The following FERMT2 variants were observed in gnomAD, a reference collection of about 807,000 sequenced individuals.
The protein encoded by FERMT2 is fermitin family homolog 2.
In FERMT2, 15 loss-of-function variants were observed where a neutral mutation model predicts 82.7. The observed-to-expected ratio is 0.18, with a 90% confidence interval of 0.12 to 0.28. The LOEUF (loss-of-function observed/expected upper bound fraction) is 0.28, where lower values mean the gene tolerates loss of function less well. FERMT2 is among the 10% of genes least tolerant of loss of function. The pLI is 1.00. For synonymous variants in FERMT2, 274 were observed against 271.5 expected (o/e 1.01, Z -0.09); for missense variants, 645 against 809.4 (o/e 0.80, Z 2.46).
intron 3 of FERMT2, among the ~76,000 whole-genome samples, chr14:52,913,714 A>AGTAGTAGTAGTAGTAGTAGTAGT (rs1566746975): frequency 3.3e-5 from 5 of 152,024 alleles, no homozygotes; most frequent in South Asian, 2.1e-4. Flanking sequence ...TAGTAGTAGT[A>AGTAGTAGTAGTAGTAGTAGTAGT]ATGAAAGACC....
Position 52,930,582 on chromosome 14 carries a change from T to A in FERMT2, c.158-11226A>T, listed in dbSNP as rs138408739. 8.5e-5 allele frequency among the ~76,000 whole-genome samples: 13 copies of A among 152,300 alleles called. No individual in the cohort carries two copies. The East Asian group carries it at 2.5e-3, about 29-fold the overall frequency. ...AGGGAGACAATGGCTTCCTGAGGAA[T>A]ATCAAATTGTAGGGCACCTGGCTAC... On this transcript the variant is annotated intron_variant, in intron 2 of 14. Transcript: ENST00000341590.
chr14:52,905,304 A>G (rs1004851653), intron 3 of FERMT2, among the ~76,000 whole-genome samples: 3 of 152,210 alleles, frequency 2.0e-5, no homozygotes, highest in Admixed American at 6.5e-5. Context: ...AAAAGCCAGA[A>G]ACAGTAAACG....
chr14:52,914,422 CAA>C lies in FERMT2; in HGVS notation c.391+4699_391+4700del, dbSNP rs869304101. On this transcript the variant is annotated intron_variant, in intron 3 of 14. Transcript: ENST00000341590. Reference sequence around the variant, plus strand: ...AAAAGATCTCCCCCCAAAACAACAACAAATATTAAACTGAATGTCAAATGTTA... The same window carrying C: ...AAAAGATCTCCCCCCAAAACAACAACATATTAAACTGAATGTCAAATGTTA... Among the ~76,000 whole-genome samples, 13 of 99,594 alleles carry C rather than the reference CAA, an allele frequency of 1.3e-4. No individual in the cohort carries two copies. The South Asian group carries it at 1.4e-3, about 11-fold the overall frequency. The allele number at this position is 99,594 out of a possible 152,430, so 65.3% of individuals were successfully genotyped here.
chr14:52,911,624 C>G (rs2139613665), intron 3 of FERMT2, among the ~76,000 whole-genome samples: 1 of 151,252 alleles, frequency 6.6e-6, no homozygotes, highest in East Asian at 2.0e-4. Context: ...GCAGTCCAAC[C>G]TGGGTGACAG....
intron 2 of FERMT2, among the ~76,000 whole-genome samples, chr14:52,922,979 T>C (rs1200867990): frequency 6.6e-6 from 1 of 152,224 alleles, no homozygotes; most frequent in Non-Finnish European, 1.5e-5. Context: ...ACCTAGGTTA[T>C]ATGGTATGGC....
intron 7 of FERMT2, among the ~76,000 whole-genome samples, chr14:52,876,214 A>G (rs1242261721): frequency 6.6e-6 from 1 of 152,184 alleles, no homozygotes; most frequent in Non-Finnish European, 1.5e-5. Flanking sequence ...GCCACTTACC[A>G]ATGTTCTGTG....
Position 52,881,840 on chromosome 14 carries a change from G to T in FERMT2, c.527-371C>A, listed in dbSNP as rs1445121285. The T allele has an allele frequency of 2.4e-6, 3 of 1,253,516 alleles. No individual in the cohort carries two copies. In the African/African-American group the frequency reaches 4.6e-5, roughly 19 times the overall value. The allele number at this position is 1,253,516 out of a possible 1,614,324, so 77.6% of individuals were successfully genotyped here. ...AAGAACATCAGTGCCTATAGGAAAG[G>T]AAAGAAAGGAATTCAGAAGGTAAAG... On this transcript the variant is annotated intron_variant, in intron 4 of 14. Transcript: ENST00000341590.
At chr14:52,923,687 T>G (rs1889092802) in intron 2 of FERMT2, among the ~76,000 whole-genome samples, 1 of 150,096 alleles carries the variant, frequency 6.7e-6, no homozygotes, top group Non-Finnish European at 1.5e-5. Context: ...ATCCTATGAG[T>G]GGTCCGTTTA....
At chr14:52,905,468 C>T (rs915115750) in intron 3 of FERMT2, among the ~76,000 whole-genome samples, 1 of 152,050 alleles carries the variant, frequency 6.6e-6, no homozygotes, top group Non-Finnish European at 1.5e-5. Flanking sequence ...ATAAAGAATG[C>T]ATTGGAAAGA....
intron 3 of FERMT2, among the ~76,000 whole-genome samples, chr14:52,897,215 T>C (rs1192447539): frequency 6.6e-6 from 1 of 152,206 alleles, no homozygotes; most frequent in Admixed American, 6.5e-5. Context: ...ATATTCTATG[T>C]AAATAAATCA....
chr14:52,928,279 G>A (rs970966602), intron 2 of FERMT2: 22 of 200,264 alleles, frequency 1.1e-4, no homozygotes, highest in Admixed American at 2.0e-4. Context: ...TTCTGGGCAC[G>A]TGACTTATTT....
intron 3 of FERMT2, among the ~76,000 whole-genome samples, chr14:52,908,293 C>G (rs997732934): frequency 2.0e-5 from 3 of 152,176 alleles, no homozygotes; most frequent in Admixed American, 6.5e-5. Flanking sequence ...GCTGAAACAT[C>G]CACTTATCAT....
Position 52,892,461 on chromosome 14 carries a change from T to G in FERMT2, c.526+832A>C, listed in dbSNP as rs1332684551. On this transcript the variant is annotated intron_variant, in intron 4 of 14. Transcript: ENST00000341590. ...CCCGCCTGGTGCTGTTTTTTGTTTT[T>G]TTTTTTTTTTGAGATGGAGTTTTGC... is the stretch of plus-strand genomic sequence containing the variant. 6.0e-5 allele frequency among the ~76,000 whole-genome samples: 8 copies of G among 133,890 alleles called. 1 individual carries two copies. The East Asian group carries it at 6.8e-4, about 11-fold the overall frequency. The allele number at this position is 133,890 out of a possible 152,430, so 87.8% of individuals were successfully genotyped here. A position where few individuals can be genotyped will look rare whatever the true frequency, so the allele number is the denominator to read the frequency against.
intron 2 of FERMT2, among the ~76,000 whole-genome samples, chr14:52,922,532 A>G (rs7142157): frequency 1.3e-5 from 2 of 151,924 alleles, no homozygotes; most frequent in African/African-American, 2.4e-5. Context: ...CTGCAAAGAC[A>G]TAATAAAAGA....
At chr14:52,909,643 C>T (rs1311342973) in intron 3 of FERMT2, among the ~76,000 whole-genome samples, 2 of 152,034 alleles carry the variant, frequency 1.3e-5, no homozygotes, top group Non-Finnish European at 2.9e-5. Context: ...CAAAAGTTAG[C>T]CAGGTGTGGT....
intron 4 of FERMT2, among the ~76,000 whole-genome samples, chr14:52,883,151 T>TCAAACAAACAAA (rs546675639): frequency 6.6e-6 from 1 of 151,924 alleles, no homozygotes; most frequent in African/African-American, 2.4e-5. Context: ...AGACTCTATC[T>TCAAACAAACAAA]CAAACAAACA....
At chr14:52,910,512 G>C (rs1014135479) in intron 3 of FERMT2, among the ~76,000 whole-genome samples, 1 of 151,694 alleles carries the variant, frequency 6.6e-6, no homozygotes, top group Non-Finnish European at 1.5e-5. Context: ...AAAAAATGAC[G>C]TTCTTTGACA....
intron 7 of FERMT2, among the ~76,000 whole-genome samples, chr14:52,877,355 G>C (rs1594940040): frequency 1.3e-5 from 2 of 152,028 alleles, no homozygotes; most frequent in East Asian, 1.9e-4. Flanking sequence ...AACCACGTGA[G>C]GGGACTCCCA....
At chr14:52,935,764 T>C (rs571751989) in intron 2 of FERMT2, among the ~76,000 whole-genome samples, 1 of 152,342 alleles carries the variant, frequency 6.6e-6, no homozygotes, top group East Asian at 1.9e-4. Flanking sequence ...TCTACATAGC[T>C]AGTTGAAAAC....
Sources: gnomAD v4.1 joint callset for allele counts (sites outside exome capture counted in the v4.1 genomes callset) on GRCh38, gnomAD v4.1.1 for gene constraint, MANE v1.5 for transcripts, NCBI Gene and HGNC (gene_info 2026-07-23, HGNC 2026-07-21) for gene names.